ENAM: variants seen among roughly 807,000 people sequenced by gnomAD.
The protein encoded by ENAM is enamelin.
ENAM carries 21 observed loss-of-function variants against 33.6 expected under a neutral mutation model. That is an observed-to-expected ratio of 0.63 (90% confidence interval 0.44 to 0.90). ENAM has a LOEUF of 0.90. Ranked by LOEUF, ENAM falls within the 40% of genes least tolerant of loss-of-function variation. The pLI is 0.00. For synonymous variants in ENAM, 473 were observed against 468.4 expected, an observed-to-expected ratio of 1.01 and a Z score of -0.13; for missense variants, 1,388 against 1,366.9, an observed-to-expected ratio of 1.02 and a Z score of -0.24.
Position 70,644,044 on chromosome 4 carries a change from C to T in ENAM, c.2618C>T (p.Ser873Phe). ...TTATTTCACCTAAGCCAGAGAGGCT[C>T]TTGCTGTGCTGGTAGCTCCACAGGG... The part of the protein sequence containing the change: ...AHLFHLSQRG[S>F]CCAGSSTGPK... The change falls in exon 9 of 9, where the codon TCT (serine) becomes TTT (phenylalanine). Residue 873 changes from serine to phenylalanine, a missense_variant. Transcript: ENST00000396073. The T allele has an allele frequency of 6.2e-7, 1 of 1,614,166 alleles. No homozygotes were observed.
rs1213652086 is a variant in ENAM, at chr4:70,646,320, A to G, written c.*1465A>G. ...CAGGAAAAAAGTCTCAGAATTACCT[A>G]AAAACATACTTTATAACTTTAAGAG... On this transcript the variant is annotated 3_prime_UTR_variant, in exon 9 of 9. Coordinates refer to ENST00000396073, the MANE Select transcript of ENAM (RefSeq NM_031889.3). 1.3e-5 allele frequency: 2 copies of G among 152,170 alleles called. No homozygotes were observed. Among genetic ancestry groups the G allele is most frequent in the Non-Finnish European group, 2.9e-5 (2 of 68,016 alleles). 9.4% of individuals were successfully genotyped at this position (152,170 alleles called of 1,614,324 possible). A position where few individuals can be genotyped will look rare whatever the true frequency, so the allele number is the denominator to read the frequency against.
In ENAM at chr4:70,642,286, A is replaced by G; in HGVS notation, c.860A>G (p.Asn287Ser). The change falls in exon 9 of 9, where the codon AAT (asparagine) becomes AGT (serine). Residue 287 changes from asparagine to serine, a missense_variant. Physicochemically the swap from Asn to Ser is conservative, Grantham distance 46. Coordinates refer to ENST00000396073, the MANE Select transcript of ENAM (RefSeq NM_031889.3). The stretch of plus-strand genomic sequence containing the variant: ...ACTGGGAACAACCCTCCAGCTCAAA[A>G]TGGGATTGGCCCACTCCCTGCAGTC... ...LNTGNNPPAQ[N>S]GIGPLPAVNA... 6 of 1,614,170 alleles carry G rather than the reference A, an allele frequency of 3.7e-6. No individual in the cohort carries two copies. Among genetic ancestry groups the G allele is most frequent in the Non-Finnish European group, 5.1e-6 (6 of 1,180,032 alleles).
chr4:70,640,975 C>A (rs2109824552), intron 8 of ENAM, among the ~76,000 whole-genome samples: 1 of 152,258 alleles, frequency 6.6e-6, no homozygotes, highest in South Asian at 2.1e-4. Context: ...AAGACTGTAT[C>A]CAGAGTAGCC....
In ENAM at chr4:70,644,925, T is replaced by G; in HGVS notation, c.*70T>G. ...ATTCTATACCAATGGTTCCCAAAATTTTTTCCCCAAGACTTAATTAAGTGT... is the reference window on the plus strand; with the variant it reads ...ATTCTATACCAATGGTTCCCAAAATGTTTTCCCCAAGACTTAATTAAGTGT... On this transcript the variant is annotated 3_prime_UTR_variant, in exon 9 of 9. Coordinates refer to ENST00000396073, the MANE Select transcript of ENAM (RefSeq NM_031889.3). The G allele has an allele frequency of 7.3e-7, 1 of 1,377,292 alleles. No homozygotes were observed. The highest frequency in any genetic ancestry group is 2.3e-5 in the East Asian group (1 of 43,552). 85.3% of individuals were successfully genotyped at this position (1,377,292 alleles called of 1,614,324 possible).
In ENAM at chr4:70,642,646, G is replaced by A. The variant is rs763858690; in HGVS notation, c.1220G>A (p.Gly407Glu). 1.9e-6 allele frequency: 3 copies of A among 1,613,780 alleles called. No individual in the cohort carries two copies. The highest frequency in any genetic ancestry group is 1.1e-5 in the South Asian group (1 of 91,020). ...NPANLRRKPQ[G>E]PNKHPVGTTV... is the part of the protein sequence containing the mutation. The stretch of plus-strand genomic sequence containing the variant: ...GCAAATCTCAGAAGAAAGCCTCAGG[G>A]GCCAAATAAACACCCTGTAGGAACT... The change falls in exon 9 of 9, where the codon GGG (glycine) becomes GAG (glutamate). Residue 407 changes from glycine to glutamate, a missense_variant. By Grantham distance (98) the Gly-to-Glu change is moderately conservative (BLOSUM62 -2). Coordinates refer to ENST00000396073, the MANE Select transcript of ENAM (RefSeq NM_031889.3).
In ENAM at chr4:70,634,491, A is replaced by T. The variant is rs1397935814; in HGVS notation, c.394A>T (p.Lys132Ter). The T allele has an allele frequency of 3.7e-6, 6 of 1,614,146 alleles. No individual in the cohort carries two copies. Among genetic ancestry groups the T allele is most frequent in the Non-Finnish European group, 5.1e-6 (6 of 1,180,016 alleles). ...TQKPNQTQSK[K>*]PPQKRPLKQP... ...GAAACCCAACCAGACTCAGTCAAAA[A>T]AGCCACCACAAAAGCGGCCTTTGAA... Residue 132 changes from lysine (K) to a stop codon, truncating the protein, a stop_gained, in exon 6 of 9, where the codon AAG becomes TAG. Coordinates refer to ENST00000396073, the MANE Select transcript of ENAM (RefSeq NM_031889.3). LOFTEE classifies it high-confidence loss of function.
chr4:70,644,841 C>A lies in ENAM; in HGVS notation c.3415C>A (p.Leu1139Ile). Residue 1139 changes from leucine (L) to isoleucine (I), a missense_variant, in exon 9 of 9, where the codon CTA becomes ATA. Coordinates refer to ENST00000396073, the MANE Select transcript of ENAM (RefSeq NM_031889.3). ...NVQDQVQDCL[L>I]LQA ...ACAGGACCAGGTACAAGACTGCTTA[C>A]TACTTCAGGCCTAGGGGTTATCCAA... 6.2e-7 allele frequency: 1 copy of A among 1,613,404 alleles called. No homozygotes were observed. The highest frequency in any genetic ancestry group is 8.5e-7 in the Non-Finnish European group (1 of 1,179,330).
chr4:70,634,506 C>T lies in ENAM; in HGVS notation c.409C>T (p.Arg137Trp), dbSNP rs1243588688. ...QTQSKKPPQK[R>W]PLKQPSHNQP... Reference sequence around the variant, plus strand: ...TCAGTCAAAAAAGCCACCACAAAAGCGGCCTTTGAAGCAGCCATCACATAA... The same window carrying T: ...TCAGTCAAAAAAGCCACCACAAAAGTGGCCTTTGAAGCAGCCATCACATAA... The change falls in exon 6 of 9, where the codon CGG (arginine) becomes TGG (tryptophan). Residue 137 changes from arginine (R) to tryptophan (W), a missense_variant. Transcript: ENST00000396073. 7 of 1,614,002 alleles carry T rather than the reference C, an allele frequency of 4.3e-6. No individual in the cohort carries two copies. The highest frequency in any genetic ancestry group is 4.5e-5 in the East Asian group (2 of 44,890).
rs1176282821 is a variant in ENAM, at chr4:70,634,300, C to A, written c.211-8C>A. 14 of 1,613,638 alleles carry A rather than the reference C, an allele frequency of 8.7e-6. No individual in the cohort carries two copies. The highest frequency in any genetic ancestry group is 1.7e-5 in the Admixed American group (1 of 59,996). Reference sequence around the variant, plus strand: ...TTATGATTTCACTATTATTTGCTACCCTTTCAGATGGCACACCTGGGGCCC... The same window carrying A: ...TTATGATTTCACTATTATTTGCTACACTTTCAGATGGCACACCTGGGGCCC... On this transcript the variant is annotated splice_polypyrimidine_tract_variant and splice_region_variant and intron_variant, in intron 5 of 8. Transcript: ENST00000396073.
In ENAM at chr4:70,642,789, ACCAGCC is replaced by A. The variant is rs1560404375; in HGVS notation, c.1366_1371del (p.Ser456_Pro457del). ...AATAATAGTTCCTACAAAGAATCCA[ACCAGCC>A]CCTGGAGAAACTCTCAACAGTATGA... On this transcript the variant is annotated inframe_deletion, in exon 9 of 9. Coordinates refer to ENST00000396073, the MANE Select transcript of ENAM (RefSeq NM_031889.3). The A allele has an allele frequency of 6.2e-7, 1 of 1,613,926 alleles. No homozygotes were observed. Among genetic ancestry groups the A allele is most frequent in the East Asian group, 2.2e-5 (1 of 44,860 alleles).
At chr4:70,633,969 A>T (rs966217846) in intron 5 of ENAM, among the ~76,000 whole-genome samples, 1 of 152,044 alleles carries the variant, frequency 6.6e-6, no homozygotes. Flanking sequence ...ATGGGTTCTG[A>T]ATACGACATT....
intron 4 of ENAM, 38 bp downstream of exon 4, chr4:70,631,931 G>A (rs1396909354): frequency 2.0e-6 from 3 of 1,534,660 alleles, no homozygotes; most frequent in African/African-American, 2.7e-5. Flanking sequence ...GTTATCCAGA[G>A]TCCTATCCTA....
Position 70,644,391 on chromosome 4 carries a change from G to T in ENAM, c.2965G>T (p.Asp989Tyr). ...AAAGAATACACCTTGTCTCAAAAAT[G>T]ATCTTGGAGGAGATGGGAACAACAT... ...QSKNTPCLKNDLGGDGNNILE... is the reference protein window; with the variant it reads ...QSKNTPCLKNYLGGDGNNILE... The change falls in exon 9 of 9, where the codon GAT becomes TAT. Residue 989 changes from aspartate to tyrosine, a missense_variant. Transcript: ENST00000396073. 1 of 1,614,142 alleles carries T rather than the reference G, an allele frequency of 6.2e-7. No homozygotes were observed. The highest frequency in any genetic ancestry group is 8.5e-7 in the Non-Finnish European group (1 of 1,180,002).
chr4:70,642,149 A>G lies in ENAM; in HGVS notation c.723A>G (p.Glu241=), dbSNP rs781315462. Residue 241 remains glutamate, a synonymous_variant, in exon 9 of 9, where the codon GAA becomes GAG. Coordinates refer to ENST00000396073, the MANE Select transcript of ENAM (RefSeq NM_031889.3). ...CTAAAGCAGAAAGTCCAGGCACAGA[A>G]CCCACAGCTAATTCAACAGTCACTG... is the stretch of plus-strand genomic sequence containing the variant. ...DPPKAESPGT[E]PTANSTVTET... 2.2e-5 allele frequency: 35 copies of G among 1,614,074 alleles called. No individual in the cohort carries two copies. The highest frequency in any genetic ancestry group is 2.9e-5 in the Non-Finnish European group (34 of 1,180,030).
At position 70,642,330 on chromosome 4, in the gene ENAM, G is replaced by A. The variant is rs373721702; in HGVS notation, c.904G>A (p.Gly302Arg). ...LPAVNASGQG[G>R]PGSQIPWRPS... ...TGCAGTCAACGCTTCAGGCCAGGGA[G>A]GGCCAGGAAGTCAAATCCCATGGAG... is the stretch of plus-strand genomic sequence containing the variant. The change falls in exon 9 of 9, where the codon GGG becomes AGG. Residue 302 changes from glycine to arginine, a missense_variant. By Grantham distance (125) the Gly-to-Arg change is moderately radical. Coordinates refer to ENST00000396073, the MANE Select transcript of ENAM (RefSeq NM_031889.3). 1 of 1,614,020 alleles carries A rather than the reference G, an allele frequency of 6.2e-7. No individual in the cohort carries two copies. Among genetic ancestry groups the A allele is most frequent in the Non-Finnish European group, 8.5e-7 (1 of 1,180,016 alleles).
rs7689658 is a variant in ENAM at position 70,630,110 on chromosome 4, T to C, written c.54+556T>C. ...CTGTTATTTTCATTCTCTATGATGT[T>C]CTAACTCTGAAAATCTTTAAATAGT... On this transcript the variant is annotated intron_variant, in intron 2 of 8. Transcript: ENST00000396073. Among the ~76,000 whole-genome samples the C allele has an allele frequency of 3.4e-3, 514 of 152,336 alleles. 2 individuals carry two copies. Among genetic ancestry groups the C allele is most frequent in the African/African-American group, 0.011 (478 of 41,600 alleles).
chr4:70,639,370 A>C (rs1191935108), intron 8 of ENAM, among the ~76,000 whole-genome samples: 2 of 151,986 alleles, frequency 1.3e-5, no homozygotes, highest in Non-Finnish European at 2.9e-5. Context: ...CAGGTGGATC[A>C]CTTGAGGTAA....
At position 70,645,844 on chromosome 4, in the gene ENAM, T is replaced by C. The variant is rs924002300; in HGVS notation, c.*989T>C. The C allele has an allele frequency of 2.6e-5, 4 of 152,120 alleles. No individual in the cohort carries two copies. The highest frequency in any genetic ancestry group is 9.7e-5 in the African/African-American group (4 of 41,418). 9.4% of individuals were successfully genotyped at this position (152,120 alleles called of 1,614,324 possible). The stretch of plus-strand genomic sequence containing the variant: ...GACACAGTTCAGTTAGAGAGACGTA[T>C]TTAAGGAGAAGGGAAGGCAGGATAC... On this transcript the variant is annotated 3_prime_UTR_variant, in exon 9 of 9. Transcript: ENST00000396073.
chr4:70,632,595 A>G (rs1738352355), intron 4 of ENAM, 56 bp from the exon 5 acceptor site: 2 of 1,213,182 alleles, frequency 1.6e-6, no homozygotes, highest in Non-Finnish European at 1.2e-6. Context: ...CGATTTGTGC[A>G]TTGATTTAAT....
Sources: allele counts gnomAD v4.1 joint callset (sites outside exome capture counted in the v4.1 genomes callset), GRCh38; gene constraint gnomAD v4.1.1; transcripts MANE v1.5; gene names NCBI Gene and HGNC (gene_info 2026-07-23, HGNC 2026-07-21).